TAFA2: variants seen among roughly 807,000 people sequenced by gnomAD.
TAFA2 encodes the protein TAFA chemokine like family member 2.
TAFA2 carries 7 observed loss-of-function variants against 18.8 expected under a neutral mutation model. The ratio of observed to expected loss-of-function variants is 0.37; its 90% CI spans 0.21 to 0.70. TAFA2 has a LOEUF of 0.70. Among genes scored for constraint, TAFA2 ranks in the 30% least tolerant of loss-of-function variants. The pLI is 0.53. For missense variants in TAFA2, 122 were observed against 158.1 expected, an observed-to-expected ratio of 0.77 and a Z score of 1.23; for synonymous variants, 60 against 54.2, an observed-to-expected ratio of 1.11 and a Z score of -0.47.
intron 2 of TAFA2, among the ~76,000 whole-genome samples, chr12:61,780,407 T>C (rs1401236200): frequency 6.6e-6 from 1 of 151,830 alleles, no homozygotes; most frequent in Non-Finnish European, 1.5e-5. Flanking sequence ...TCTGCCTGGC[T>C]TAACTTTGTA....
intron 1 of TAFA2, among the ~76,000 whole-genome samples, chr12:62,147,890 A>T (rs138018552): frequency 6.6e-6 from 1 of 152,180 alleles, no homozygotes; most frequent in Non-Finnish European, 1.5e-5. Flanking sequence ...CGCAATAAGA[A>T]GTTGGCAAAG....
chr12:62,097,504 A>T (rs1300213266), intron 1 of TAFA2, among the ~76,000 whole-genome samples: 1 of 152,158 alleles, frequency 6.6e-6, no homozygotes, highest in Non-Finnish European at 1.5e-5. Context: ...GTAGCAAAAG[A>T]AGTAGGAGTC....
Position 61,746,411 on chromosome 12 carries a change from C to A in TAFA2, c.384+7211G>T, listed in dbSNP as rs145610509. ...TTCTTCATAGCAGTGTGAGAATGAA[C>A]TAATACACAAAGAAACAGTCACCTC... On this transcript the variant is annotated intron_variant, in intron 4 of 4. Transcript: ENST00000416284. 1.9e-3 allele frequency among the ~76,000 whole-genome samples: 286 copies of A among 152,144 alleles called. 3 individuals are homozygous for A. The highest frequency in any genetic ancestry group is 6.5e-3 in the African/African-American group (269 of 41,530).
At chr12:62,086,481 C>G (rs760243169) in intron 1 of TAFA2, among the ~76,000 whole-genome samples, 4 of 151,990 alleles carry the variant, frequency 2.6e-5, no homozygotes, top group Non-Finnish European at 5.9e-5. Context: ...TAAAAACGGA[C>G]AAAGACTTGA....
chr12:61,898,167 T>C (rs1377525670), intron 1 of TAFA2, among the ~76,000 whole-genome samples: 1 of 152,240 alleles, frequency 6.6e-6, no homozygotes, highest in Non-Finnish European at 1.5e-5. Flanking sequence ...TCTGACCCCA[T>C]GGCTTTGCAG....
intron 1 of TAFA2, among the ~76,000 whole-genome samples, chr12:61,991,740 A>C (rs1880018635): frequency 6.6e-6 from 1 of 152,090 alleles, no homozygotes. Flanking sequence ...TTCCTGTTTT[A>C]TTCTCTCTTG....
chr12:61,746,968 T>A (rs1046970849), intron 4 of TAFA2, among the ~76,000 whole-genome samples: 3 of 152,084 alleles, frequency 2.0e-5, no homozygotes, highest in Non-Finnish European at 4.4e-5. Flanking sequence ...CACCTACTCA[T>A]CTGACAAAGG....
chr12:62,194,931 A>C (rs1328789748), upstream of TAFA2, among the ~76,000 whole-genome samples: 1 of 152,194 alleles, frequency 6.6e-6, no homozygotes, highest in East Asian at 1.9e-4. Context: ...TACATATCTT[A>C]CCTTGAAAAT....
At chr12:61,838,192 A>G (rs1336140924) in intron 2 of TAFA2, among the ~76,000 whole-genome samples, 1 of 151,986 alleles carries the variant, frequency 6.6e-6, no homozygotes, top group South Asian at 2.1e-4. Context: ...AGGAAAAAAT[A>G]AAATTGATAT....
intron 1 of TAFA2, among the ~76,000 whole-genome samples, chr12:62,041,265 T>C (rs1027598348): frequency 6.6e-6 from 1 of 152,304 alleles, no homozygotes; most frequent in South Asian, 2.1e-4. Flanking sequence ...GTTAGGTCAA[T>C]TGCCCAAGAT....
At chr12:62,010,131 T>C (rs372917540) in intron 1 of TAFA2, among the ~76,000 whole-genome samples, 245 of 152,116 alleles carry the variant, frequency 1.6e-3, no homozygotes, top group African/African-American at 5.5e-3. Flanking sequence ...AATTTGAAAC[T>C]GTAGTCCCTC....
intron 1 of TAFA2, among the ~76,000 whole-genome samples, chr12:62,103,828 G>T (rs149966580): frequency 6.6e-6 from 1 of 151,870 alleles, no homozygotes; most frequent in African/African-American, 2.4e-5. Context: ...GATAGGAAAT[G>T]ATACAAATGA....
chr12:61,896,014 G>C (rs539386505), intron 1 of TAFA2, among the ~76,000 whole-genome samples: 1 of 152,106 alleles, frequency 6.6e-6, no homozygotes, highest in African/African-American at 2.4e-5. Context: ...ATTAGTGAGA[G>C]AGAAGACAGA....
rs1194985239 is a variant in TAFA2 at position 62,191,724 on chromosome 12, G to C, written c.-467C>G. ...TCCCTGGACTGCAAGAATCAAGGCGGTCTTGCTGCAATTACCGCTCTTATT... is the reference window on the plus strand; with the variant it reads ...TCCCTGGACTGCAAGAATCAAGGCGCTCTTGCTGCAATTACCGCTCTTATT... On this transcript the variant is annotated 5_prime_UTR_variant, in exon 1 of 5. Coordinates refer to ENST00000416284, the MANE Select transcript of TAFA2 (RefSeq NM_178539.5). 3 of 152,222 alleles carry C rather than the reference G, an allele frequency of 2.0e-5. No individual in the cohort carries two copies. The highest frequency in any genetic ancestry group is 4.4e-5 in the Non-Finnish European group (3 of 68,062). 9.4% of individuals were successfully genotyped at this position (152,222 alleles called of 1,614,324 possible).
chr12:62,148,708 A>G (rs751852842), intron 1 of TAFA2, among the ~76,000 whole-genome samples: 3 of 152,216 alleles, frequency 2.0e-5, no homozygotes, highest in Non-Finnish European at 2.9e-5. Flanking sequence ...AAATAAATCA[A>G]TAAGTAAAAT....
Position 61,885,120 on chromosome 12 carries a change from T to C in TAFA2, c.-1-17694A>G, listed in dbSNP as rs575391720. 1.1e-4 allele frequency among the ~76,000 whole-genome samples: 16 copies of C among 152,280 alleles called. No homozygotes were observed. The South Asian group carries it at 1.7e-3, about 16-fold the overall frequency. On this transcript the variant is annotated intron_variant, in intron 1 of 4. Transcript: ENST00000416284. ...GAGTAAGATGTTTTTCCCTGTATTA[T>C]AAAAATAAGAAAACTGAGGCTCAGA...
chr12:62,130,861 T>C (rs1303541917), intron 1 of TAFA2, among the ~76,000 whole-genome samples: 1 of 151,954 alleles, frequency 6.6e-6, no homozygotes, highest in East Asian at 1.9e-4. Flanking sequence ...AAATGGCATG[T>C]TGAATAACAT....
intron 1 of TAFA2, among the ~76,000 whole-genome samples, chr12:61,976,179 T>A (rs976657604): frequency 2.0e-5 from 3 of 151,788 alleles, no homozygotes; most frequent in African/African-American, 7.3e-5. Context: ...AGATGAAAAA[T>A]CAAACATGAT....
At chr12:61,886,396 T>C (rs1220436498) in intron 1 of TAFA2, among the ~76,000 whole-genome samples, 1 of 152,160 alleles carries the variant, frequency 6.6e-6, no homozygotes, top group African/African-American at 2.4e-5. Context: ...CACTGCCCCA[T>C]GGAATGCTGC....
Sources: allele counts gnomAD v4.1 joint callset (sites outside exome capture counted in the v4.1 genomes callset), GRCh38; gene constraint gnomAD v4.1.1; transcripts MANE v1.5; gene names NCBI Gene and HGNC (gene_info 2026-07-23, HGNC 2026-07-21).